Variants in PLA2G10 observed in about 807,000 individuals in gnomAD.
The protein encoded by PLA2G10 is phospholipase A2 group X, also known as group 10 secretory phospholipase A2.
PLA2G10 carries 9 observed loss-of-function variants against 7.9 expected under a neutral mutation model. The observed-to-expected ratio is 1.14, with a 90% CI of 0.68 to 1.98. The LOEUF (loss-of-function observed/expected upper bound fraction) is 1.98. PLA2G10 is among the 30% of genes most tolerant of loss of function. The probability of loss-of-function intolerance (pLI) is 0.00; values close to 1 mark genes in which losing one functional copy is unlikely to be tolerated. For synonymous variants in PLA2G10, 19 were observed against 27.5 expected, an observed-to-expected ratio of 0.69 and a Z score of 0.97; for missense variants, 53 against 65.4, an observed-to-expected ratio of 0.81 and a Z score of 0.66.
intron 3 of PLA2G10, among the ~76,000 whole-genome samples, chr16:14,678,073 C>T (rs1025837270): frequency 1.3e-5 from 2 of 152,150 alleles, no homozygotes; most frequent in Non-Finnish European, 2.9e-5. Context: ...TTTCCATGGG[C>T]TGCTGCACAA....
chr16:14,672,895 C>A, intron 3 of PLA2G10, 146 bp from the exon 4 acceptor site: 2 of 697,580 alleles, frequency 2.9e-6, no homozygotes, highest in South Asian at 2.1e-5. Flanking sequence ...CAGGGCTCCC[C>A]AGGAAGCAGG....
chr16:14,672,839 T>C, intron 3 of PLA2G10, 90 bp from the exon 4 acceptor site: 2 of 1,292,866 alleles, frequency 1.5e-6, no homozygotes, highest in South Asian at 2.7e-5. Flanking sequence ...GGGTCATAAA[T>C]TACATTTCTG....
At chr16:14,683,732 T>A (rs1361396611) in intron 3 of PLA2G10, among the ~76,000 whole-genome samples, 2 of 152,074 alleles carry the variant, frequency 1.3e-5, no homozygotes, top group Non-Finnish European at 2.9e-5. Flanking sequence ...AGAAGAAAAC[T>A]TAACGGTAAA....
At chr16:14,685,864 G>A (rs1490743808) in intron 3 of PLA2G10, among the ~76,000 whole-genome samples, 1 of 151,876 alleles carries the variant, frequency 6.6e-6, no homozygotes, top group African/African-American at 2.4e-5. Flanking sequence ...TAGTAGAGAC[G>A]TGGTTTCACC....
chr16:14,684,557 T>A (rs926693141), intron 3 of PLA2G10, among the ~76,000 whole-genome samples: 1 of 151,730 alleles, frequency 6.6e-6, no homozygotes, highest in African/African-American at 2.4e-5. Flanking sequence ...TCCCAGCTAC[T>A]CAGGAGGCTG....
intron 3 of PLA2G10, among the ~76,000 whole-genome samples, chr16:14,683,228 CT>C (rs1306995008): frequency 6.8e-6 from 1 of 147,986 alleles, no homozygotes; most frequent in Admixed American, 6.9e-5. Context: ...CTTTTTCTTT[CT>C]TTTTTTGTTT....
chr16:14,685,407 C>G (rs1156278896), intron 3 of PLA2G10, among the ~76,000 whole-genome samples: 1 of 150,914 alleles, frequency 6.6e-6, no homozygotes, highest in Admixed American at 6.6e-5. Context: ...GAGCAAATCT[C>G]AAAAACATTA....
chr16:14,683,769 G>A (rs1960964347), intron 3 of PLA2G10, among the ~76,000 whole-genome samples: 1 of 152,114 alleles, frequency 6.6e-6, no homozygotes, highest in African/African-American at 2.4e-5. Flanking sequence ...TTTGGCAGTG[G>A]ATTCTAAGGA....
At chr16:14,685,000 T>A (rs1340225486) in intron 3 of PLA2G10, among the ~76,000 whole-genome samples, 1 of 152,156 alleles carries the variant, frequency 6.6e-6, no homozygotes, top group Non-Finnish European at 1.5e-5. Context: ...AATGAATGGA[T>A]AAACGAAATG....
chr16:14,684,944 A>C (rs767413606), intron 3 of PLA2G10, among the ~76,000 whole-genome samples: 1 of 152,228 alleles, frequency 6.6e-6, no homozygotes, highest in Non-Finnish European at 1.5e-5. Flanking sequence ...TAGCAGCACT[A>C]TTCACATAAG....
chr16:14,684,999 A>G (rs373950845), intron 3 of PLA2G10, among the ~76,000 whole-genome samples: 1 of 152,234 alleles, frequency 6.6e-6, no homozygotes, highest in African/African-American at 2.4e-5. Flanking sequence ...GAATGAATGG[A>G]TAAACGAAAT....
At chr16:14,687,716 G>T (rs1011570189) in intron 3 of PLA2G10, among the ~76,000 whole-genome samples, 6 of 151,880 alleles carry the variant, frequency 4.0e-5, no homozygotes, top group African/African-American at 1.2e-4. Flanking sequence ...TCACATTAGG[G>T]CCAGACACCA....
chr16:14,681,833 C>A (rs1338289399), intron 3 of PLA2G10, among the ~76,000 whole-genome samples: 1 of 151,484 alleles, frequency 6.6e-6, no homozygotes, highest in African/African-American at 2.4e-5. Flanking sequence ...TTATAAATAT[C>A]ATTTTCACCT....
chr16:14,681,080 C>T (rs1960877528), intron 3 of PLA2G10, among the ~76,000 whole-genome samples: 1 of 151,786 alleles, frequency 6.6e-6, no homozygotes, highest in Non-Finnish European at 1.5e-5. Flanking sequence ...AGGAGAATGG[C>T]TTGAACCGGG....
At chr16:14,682,190 T>G (rs1960910921) in intron 3 of PLA2G10, among the ~76,000 whole-genome samples, 1 of 152,164 alleles carries the variant, frequency 6.6e-6, no homozygotes, top group South Asian at 2.1e-4. Context: ...TGGGGCATGT[T>G]CAGGCCTAAA....
Position 14,678,891 on chromosome 16 carries a change from C to T in PLA2G10, c.356-6142G>A, listed in dbSNP as rs1478870680. The T allele has an allele frequency of 1.6e-5, 4 of 248,764 alleles. No individual in the cohort carries two copies. The East Asian group carries it at 4.3e-4, about 27-fold the overall frequency. 15.4% of individuals were successfully genotyped at this position (248,764 alleles called of 1,614,324 possible). ...TCTAGCCCCTATCACTCTCCGACAT[C>T]ATCCCCTACTTCTGTCACTCTGGGG... On this transcript the variant is annotated intron_variant, in intron 3 of 3. Coordinates refer to ENST00000438167, the MANE Select transcript of PLA2G10 (RefSeq NM_003561.3).
chr16:14,677,487 C>G (rs1960754057), intron 3 of PLA2G10, among the ~76,000 whole-genome samples: 1 of 152,172 alleles, frequency 6.6e-6, no homozygotes, highest in Non-Finnish European at 1.5e-5. Context: ...CTGCCTCAGC[C>G]TCCCGAGTAG....
rs921272277 is a variant in PLA2G10, at chr16:14,676,061, A to G, written c.356-3312T>C. 2.0e-5 allele frequency among the ~76,000 whole-genome samples: 3 copies of G among 152,192 alleles called. No homozygotes were observed. In the East Asian group the frequency reaches 5.8e-4, roughly 29 times the overall value. On this transcript the variant is annotated intron_variant, in intron 3 of 3. Coordinates refer to ENST00000438167, the MANE Select transcript of PLA2G10 (RefSeq NM_003561.3). ...CGGGGAACTGCAAATTAAAACCACA[A>G]TGAGATACTACCTTACCCCAGCCAG...
chr16:14,687,800 C>T (rs1961134981), intron 3 of PLA2G10, among the ~76,000 whole-genome samples: 1 of 151,578 alleles, frequency 6.6e-6, no homozygotes, highest in Non-Finnish European at 1.5e-5. Context: ...AGTTTGAGAC[C>T]AGCCTGGCCA....
Sources: gnomAD v4.1 joint callset for allele counts (sites outside exome capture counted in the v4.1 genomes callset) on GRCh38, gnomAD v4.1.1 for gene constraint, MANE v1.5 for transcripts, NCBI Gene and HGNC (gene_info 2026-07-23, HGNC 2026-07-21) for gene names.